The following EPS15L1 variants were observed in gnomAD, a reference collection of about 807,000 sequenced individuals.
EPS15L1 encodes the protein epidermal growth factor receptor substrate 15-like 1.
EPS15L1 carries 43 observed loss-of-function variants against 117.1 expected under a neutral mutation model. That is an observed-to-expected ratio of 0.37 (90% CI 0.29 to 0.47). The LOEUF (loss-of-function observed/expected upper bound fraction) is 0.47. Ranked by LOEUF, EPS15L1 falls within the 20% of genes least tolerant of loss-of-function variation. The pLI, the probability that EPS15L1 is intolerant of heterozygous loss-of-function variation, is 0.99. For synonymous variants in EPS15L1, 459 were observed against 470.5 expected (o/e 0.98, Z 0.32); for missense variants, 981 against 1,164.0 (o/e 0.84, Z 2.29).
In EPS15L1 at chr19:16,421,444, G is replaced by A. The variant is rs1404493692; in HGVS notation, c.825C>T (p.Asp275=). Reference sequence around the variant, plus strand: ...GGAATATCTCATCAAATCGCATCTTGTCTGCCACGGGCACCACCCAGTTCA... The same window carrying A: ...GGAATATCTCATCAAATCGCATCTTATCTGCCACGGGCACCACCCAGTTCA... ...PTVNWVVPVA[D]KMRFDEIFLK... Residue 275 remains aspartate (D), a synonymous_variant, in exon 10 of 24, where the codon GAC becomes GAT. Coordinates refer to ENST00000455140, the MANE Select transcript of EPS15L1 (RefSeq NM_001258374.3). 2 of 1,613,782 alleles carry A rather than the reference G, an allele frequency of 1.2e-6. No homozygotes were observed. The highest frequency in any genetic ancestry group is 1.3e-5 in the African/African-American group (1 of 74,938).
At chr19:16,358,100 G>C (rs1205155892) in intron 23 of EPS15L1, 1 of 152,710 alleles carries the variant, frequency 6.5e-6, no homozygotes, top group Non-Finnish European at 1.5e-5. Context: ...CGGCCTGCTG[G>C]GTCTGAACCA....
intron 6 of EPS15L1, chr19:16,435,123 TG>T (rs1402979044): frequency 6.6e-6 from 1 of 152,114 alleles, no homozygotes; most frequent in African/African-American, 2.4e-5. Flanking sequence ...GGCTAATTTT[TG>T]TATTTTTTGT....
In EPS15L1 at chr19:16,381,621, A is replaced by G. The variant is rs2092363596; in HGVS notation, c.2247+3508T>C. Among the ~76,000 whole-genome samples the G allele has an allele frequency of 1.3e-5, 2 of 152,194 alleles. No individual in the cohort carries two copies. Among genetic ancestry groups the G allele is most frequent in the African/African-American group, 2.4e-5 (1 of 41,448 alleles). On this transcript the variant is annotated intron_variant, in intron 21 of 23. Transcript: ENST00000455140. The surrounding 1 kb of genome is among the most constrained non-coding windows in gnomAD (Gnocchi z 4.2). ...ACGACAATGATCACACCAAGTACGA[A>G]GCTGCGATTGGAATCTGGGAGTGCC... is the stretch of plus-strand genomic sequence containing the variant.
chr19:16,381,400 C>T lies in EPS15L1; in HGVS notation c.2247+3729G>A, dbSNP rs1047988070. 1.3e-5 allele frequency among the ~76,000 whole-genome samples: 2 copies of T among 152,230 alleles called. No individual in the cohort carries two copies. The highest frequency in any genetic ancestry group is 2.9e-5 in the Non-Finnish European group (2 of 68,032). On this transcript the variant is annotated intron_variant, in intron 21 of 23. Transcript: ENST00000455140. This position sits in a 1 kb window ranked among gnomAD's most constrained non-coding sequence, Gnocchi z 4.2. Reference sequence around the variant, plus strand: ...CACCCCAGTGGTGGGTCCAGGGCCTCGTCCTGGGCAGACTGTCCTGCCCAG... The same window carrying T: ...CACCCCAGTGGTGGGTCCAGGGCCTTGTCCTGGGCAGACTGTCCTGCCCAG...
intron 22 of EPS15L1, among the ~76,000 whole-genome samples, chr19:16,374,732 C>G (rs2092271359): frequency 6.6e-6 from 1 of 152,202 alleles, no homozygotes; most frequent in Non-Finnish European, 1.5e-5. Flanking sequence ...GGCTCCTCCT[C>G]AGGGCCCAGC....
intron 13 of EPS15L1, among the ~76,000 whole-genome samples, chr19:16,407,213 C>T (rs1456036785): frequency 1.3e-5 from 2 of 152,248 alleles, no homozygotes; most frequent in African/African-American, 4.8e-5. Context: ...CTCACCACTT[C>T]TCTAAGAGGG....
At chr19:16,409,042 C>T (rs534740521) in intron 13 of EPS15L1, among the ~76,000 whole-genome samples, 3 of 152,070 alleles carry the variant, frequency 2.0e-5, no homozygotes, top group East Asian at 1.9e-4. Context: ...AGCAATACAG[C>T]GAGACCCTGT....
At chr19:16,387,783 C>T (rs576236236) in intron 19 of EPS15L1, among the ~76,000 whole-genome samples, 7 of 151,738 alleles carry the variant, frequency 4.6e-5, no homozygotes, top group Non-Finnish European at 8.8e-5. Flanking sequence ...CAAAAAAAAA[C>T]CCCACTTCAT....
intron 22 of EPS15L1, among the ~76,000 whole-genome samples, chr19:16,374,048 G>T (rs994614782): frequency 6.6e-6 from 1 of 152,238 alleles, no homozygotes; most frequent in African/African-American, 2.4e-5. Flanking sequence ...GCGTGCATTG[G>T]CTGTTTTAGA....
intron 21 of EPS15L1, among the ~76,000 whole-genome samples, chr19:16,379,453 T>C (rs2092335674): frequency 6.6e-6 from 1 of 151,844 alleles, no homozygotes; most frequent in Non-Finnish European, 1.5e-5. Context: ...AGGTCAAGAG[T>C]ACAAAGGCAC....
At chr19:16,408,490 A>T (rs1194065992) in intron 13 of EPS15L1, among the ~76,000 whole-genome samples, 4 of 144,874 alleles carry the variant, frequency 2.8e-5, no homozygotes, top group Non-Finnish European at 5.9e-5. Flanking sequence ...ATTTTTACAA[A>T]ATTTTGTAAA....
intron 12 of EPS15L1, among the ~76,000 whole-genome samples, chr19:16,414,973 C>T (rs1162780901): frequency 1.3e-5 from 2 of 152,142 alleles, no homozygotes; most frequent in Non-Finnish European, 2.9e-5. Context: ...TCCCAAAGCA[C>T]TTGGATTACA....
intron 22 of EPS15L1, among the ~76,000 whole-genome samples, chr19:16,376,104 G>A (rs1689710953): frequency 6.6e-6 from 1 of 152,208 alleles, no homozygotes; most frequent in South Asian, 2.1e-4. Flanking sequence ...CTGATGGAAA[G>A]GGCTCGGGGG....
chr19:16,415,791 C>T (rs2092752738), intron 12 of EPS15L1, among the ~76,000 whole-genome samples: 1 of 152,214 alleles, frequency 6.6e-6, no homozygotes, highest in African/African-American at 2.4e-5. Flanking sequence ...CACGCCCCAG[C>T]GTCCCTTCCT....
At chr19:16,433,017 C>G (rs1022251378) in intron 7 of EPS15L1, among the ~76,000 whole-genome samples, 1 of 151,540 alleles carries the variant, frequency 6.6e-6, no homozygotes, top group Non-Finnish European at 1.5e-5. Flanking sequence ...CACCATATTG[C>G]CCAAGCTGGA....
intron 21 of EPS15L1, among the ~76,000 whole-genome samples, chr19:16,380,271 G>C (rs763122394): frequency 2.0e-5 from 3 of 152,044 alleles, no homozygotes; most frequent in African/African-American, 4.8e-5. Context: ...GCCATCTAAG[G>C]CTCCAGCATC....
At chr19:16,368,959 A>T (rs1050569434) in intron 22 of EPS15L1, among the ~76,000 whole-genome samples, 14 of 152,240 alleles carry the variant, frequency 9.2e-5, no homozygotes, top group African/African-American at 3.1e-4. Flanking sequence ...GGCCACTGAC[A>T]TGTCTTATTC....
chr19:16,437,154 A>G (rs2092986480), intron 5 of EPS15L1, 155 bp from the exon 6 acceptor site: 2 of 629,890 alleles, frequency 3.2e-6, no homozygotes, highest in African/African-American at 3.6e-5. Context: ...CAGCAATTCC[A>G]CTCCTACGTA....
chr19:16,374,894 T>C (rs1391599513), intron 22 of EPS15L1, among the ~76,000 whole-genome samples: 1 of 152,278 alleles, frequency 6.6e-6, no homozygotes, highest in Admixed American at 6.5e-5. Context: ...TTTGCATGCA[T>C]GCATTATGCA....
Sources: allele counts gnomAD v4.1 joint callset (sites outside exome capture counted in the v4.1 genomes callset), GRCh38; gene constraint gnomAD v4.1.1; non-coding constraint Gnocchi (gnomAD v3.1); transcripts MANE v1.5; gene names NCBI Gene and HGNC (gene_info 2026-07-23, HGNC 2026-07-21).